Variants in MACF1 observed in about 807,000 individuals in gnomAD.
MACF1 encodes microtubule-actin cross-linking factor 1.
A neutral mutation model predicts 854.8 loss-of-function variants in MACF1; 193 were observed. The observed-to-expected ratio is 0.23, with a 90% CI of 0.20 to 0.25. The LOEUF is 0.25. Ranked by LOEUF, MACF1 falls within the 10% of genes least tolerant of loss-of-function variation. The pLI, the probability that MACF1 is intolerant of heterozygous loss-of-function variation, is 1.00. For synonymous variants in MACF1, 3,185 were observed against 3,226.7 expected, an observed-to-expected ratio of 0.99 and a Z score of 0.44; for missense variants, 7,722 against 8,929.1, an observed-to-expected ratio of 0.86 and a Z score of 5.45.
At chr1:39,128,088 G>C (rs1412767448) in intron 2 of MACF1, among the ~76,000 whole-genome samples, 3 of 152,132 alleles carry the variant, frequency 2.0e-5, no homozygotes, top group Admixed American at 1.3e-4. Context: ...TTTCTTGCCA[G>C]GCTTGCTTTG....
chr1:39,198,880 ATTCTT>A (rs1327939534), intron 2 of MACF1, among the ~76,000 whole-genome samples: 8 of 152,180 alleles, frequency 5.3e-5, no homozygotes, highest in African/African-American at 1.9e-4. Context: ...TGTTGTTGAG[ATTCTT>A]TTCTTAAAGC....
At chr1:39,347,972 G>A (rs900057530) in intron 41 of MACF1, among the ~76,000 whole-genome samples, 2 of 152,132 alleles carry the variant, frequency 1.3e-5, no homozygotes, top group Non-Finnish European at 2.9e-5. Flanking sequence ...CCAGAATGAT[G>A]TTCATGCCAT....
chr1:39,199,604 G>A (rs1457727509), intron 2 of MACF1, among the ~76,000 whole-genome samples: 1 of 152,118 alleles, frequency 6.6e-6, no homozygotes, highest in African/African-American at 2.4e-5. Flanking sequence ...ATAATATATA[G>A]TTCCCAGGGA....
chr1:39,301,639 A>T (rs1266355978), intron 22 of MACF1, among the ~76,000 whole-genome samples: 1 of 151,526 alleles, frequency 6.6e-6, no homozygotes, highest in Middle Eastern at 3.4e-3. Context: ...GTTAGCCAGG[A>T]TGTTCTCGAT....
intron 6 of MACF1, 32 bp downstream of exon 6, chr1:39,258,060 C>G (rs1645116310): frequency 1.9e-6 from 3 of 1,566,458 alleles, no homozygotes; most frequent in Non-Finnish European, 2.6e-6. Context: ...ATTCCTGTTG[C>G]TTTGTTTGGA....
chr1:39,309,447 T>G, intron 23 of MACF1, 123 bp from the exon 24 acceptor site: 1 of 1,134,712 alleles, frequency 8.8e-7, no homozygotes, highest in Non-Finnish European at 1.3e-6. Context: ...TTTGACTTGT[T>G]GCCTTTCTCT....
intron 58 of MACF1, among the ~76,000 whole-genome samples, chr1:39,419,498 GTATT>G (rs112470138): frequency 0.055 from 8,433 of 152,242 alleles, 291 homozygotes; most frequent in African/African-American, 0.097. Context: ...CAACCGGTAA[GTATT>G]TAATGTAGAT....
At chr1:39,162,185 A>G (rs975695749) in intron 2 of MACF1, among the ~76,000 whole-genome samples, 10 of 151,970 alleles carry the variant, frequency 6.6e-5, no homozygotes, top group African/African-American at 2.4e-4. Flanking sequence ...TATTTTTAGT[A>G]GAGATGGGGT....
intron 95 of MACF1, chr1:39,467,697 C>G (rs2124117915): frequency 6.6e-6 from 1 of 152,302 alleles, no homozygotes; most frequent in South Asian, 2.1e-4. Context: ...ATTGCTTCAA[C>G]TCAATTTTAG....
At chr1:39,275,447 A>G (rs1463395823) in intron 6 of MACF1, among the ~76,000 whole-genome samples, 1 of 151,996 alleles carries the variant, frequency 6.6e-6, no homozygotes, top group Non-Finnish European at 1.5e-5. Flanking sequence ...ATTCACAGGT[A>G]CCATCATAGC....
In MACF1 at chr1:39,340,676, T is replaced by A; in HGVS notation, c.10390T>A (p.Ser3464Thr). Residue 3464 changes from serine to threonine, a missense_variant, in exon 39 of 101, where the codon TCC (serine) becomes ACC (threonine). Ser to Thr is a moderately conservative substitution (Grantham distance 58). Transcript: ENST00000564288. ...SLSSVSDTWN[S>T]RLLHFQNAVE... ...CAGCTCTGTGAGTGACACTTGGAAT[T>A]CCAGGCTACTCCACTTCCAGAATGC... is the stretch of plus-strand genomic sequence containing the variant. 3.7e-6 allele frequency: 6 copies of A among 1,614,198 alleles called. No individual in the cohort carries two copies. Among genetic ancestry groups the A allele is most frequent in the Non-Finnish European group, 5.1e-6 (6 of 1,180,034 alleles).
chr1:39,343,129 CAG>C (rs1289259236), intron 40 of MACF1, among the ~76,000 whole-genome samples: 1 of 152,246 alleles, frequency 6.6e-6, no homozygotes, highest in African/African-American at 2.4e-5. Flanking sequence ...ACATGTGAGC[CAG>C]AGAGTTTTCT....
At chr1:39,159,483 G>A (rs1319668332) in intron 2 of MACF1, among the ~76,000 whole-genome samples, 2 of 152,162 alleles carry the variant, frequency 1.3e-5, no homozygotes, top group Admixed American at 1.3e-4. Flanking sequence ...GGTGGAGGGA[G>A]GAATGCAGGT....
chr1:39,482,844 T>G (rs2124249894), intron 99 of MACF1, among the ~76,000 whole-genome samples: 1 of 145,628 alleles, frequency 6.9e-6, no homozygotes, highest in African/African-American at 2.6e-5. Context: ...CTGGACATGG[T>G]GGCTCACCCC....
chr1:39,335,821 G>A lies in MACF1; in HGVS notation c.9233G>A (p.Ser3078Asn), dbSNP rs1490559745. The A allele has an allele frequency of 1.2e-6, 2 of 1,614,026 alleles. No individual in the cohort carries two copies. The highest frequency in any genetic ancestry group is 1.7e-6 in the Non-Finnish European group (2 of 1,180,024). ...AATGAAGGAAAAGTAAACAATTTAA[G>A]TCTCTGCTTGACTTTAAAACCAGAA... ...QANEGKVNNL[S>N]LCLTLKPEEN... Residue 3078 changes from serine (S) to asparagine (N), a missense_variant, in exon 37 of 101, where the codon AGT becomes AAT. By Grantham distance (46) the Ser-to-Asn change is conservative (BLOSUM62 1). Transcript: ENST00000564288.
Position 39,477,042 on chromosome 1 carries a change from A to AGT in MACF1, c.21959-2753_21959-2752dup, listed in dbSNP as rs1481908693. ...TATATACACACACATATATACACTT[A>AGT]GTGTATATATATATATATATATATA... On this transcript the variant is annotated intron_variant, in intron 97 of 100. Coordinates refer to ENST00000564288, the MANE Select transcript of MACF1 (RefSeq NM_001394062.1). Among the ~76,000 whole-genome samples the AGT allele has an allele frequency of 1.1e-3, 122 of 110,678 alleles. 1 individual carries two copies. The highest frequency in any genetic ancestry group is 2.3e-3 in the African/African-American group (64 of 28,384). 72.6% of individuals were successfully genotyped at this position (110,678 alleles called of 152,430 possible). A position where few individuals can be genotyped will look rare whatever the true frequency, so the allele number is the denominator to read the frequency against.
intron 6 of MACF1, among the ~76,000 whole-genome samples, chr1:39,258,652 G>C (rs1360842683): frequency 6.6e-6 from 1 of 152,112 alleles, no homozygotes; most frequent in Non-Finnish European, 1.5e-5. Context: ...TTATAAAAAG[G>C]CTGTTCTTTT....
intron 2 of MACF1, among the ~76,000 whole-genome samples, chr1:39,093,555 G>A (rs561282747): frequency 2.1e-5 from 3 of 144,682 alleles, no homozygotes; most frequent in Non-Finnish European, 4.5e-5. Flanking sequence ...GTGCGATCTC[G>A]GCTCACTGCA....
Position 39,251,909 on chromosome 1 carries a change from G to C in MACF1, c.325G>C (p.Glu109Gln). The change falls in exon 4 of 101, where the codon GAG (glutamate) becomes CAG (glutamine). Residue 109 changes from glutamate (E) to glutamine (Q), a missense_variant. Physicochemically the swap from Glu to Gln is conservative, Grantham distance 29 (BLOSUM62 2). Around this residue, in one of 15 missense-constraint regions of MACF1, gnomAD observed 82 missense variants for 84.0 expected, o/e 0.98. Coordinates refer to ENST00000564288, the MANE Select transcript of MACF1 (RefSeq NM_001394062.1). Reference protein sequence around the residue: ...SMPSWCHTNNEEQAEEDDDDV... With the variant: ...SMPSWCHTNNQEQAEEDDDDV... ...GCCCTCCTGGTGCCATACAAACAACGAGGAGCAGGCGGAGGAAGATGATGA... is the reference window on the plus strand; with the variant it reads ...GCCCTCCTGGTGCCATACAAACAACCAGGAGCAGGCGGAGGAAGATGATGA... The C allele has an allele frequency of 2.0e-6, 3 of 1,519,704 alleles. No homozygotes were observed. Among genetic ancestry groups the C allele is most frequent in the Non-Finnish European group, 2.6e-6 (3 of 1,139,274 alleles). 94.1% of individuals were successfully genotyped at this position (1,519,704 alleles called of 1,614,324 possible). A position where few individuals can be genotyped will look rare whatever the true frequency, so the allele number is the denominator to read the frequency against.
Sources: gnomAD v4.1 joint callset for allele counts (sites outside exome capture counted in the v4.1 genomes callset) on GRCh38, gnomAD v4.1.1 for gene constraint, gnomAD v4.1.1 regional missense constraint, MANE v1.5 for transcripts, NCBI Gene and HGNC (gene_info 2026-07-23, HGNC 2026-07-21) for gene names.